The following KCNQ5 variants were observed in gnomAD, a reference collection of about 807,000 sequenced individuals.
KCNQ5 encodes potassium voltage-gated channel subfamily KQT member 5.
A neutral mutation model predicts 98.2 loss-of-function variants in KCNQ5; 30 were observed. The ratio of observed to expected loss-of-function variants is 0.31; its 90% CI spans 0.23 to 0.41. The LOEUF (loss-of-function observed/expected upper bound fraction) is 0.41, where lower values mean the gene tolerates loss of function less well. Ranked by LOEUF, KCNQ5 falls within the 10% of genes least tolerant of loss-of-function variation. The pLI is 1.00. For synonymous variants in KCNQ5, 458 were observed against 449.4 expected (o/e 1.02, Z -0.24); for missense variants, 835 against 1,182.5 (o/e 0.71, Z 4.31).
chr6:73,081,697 T>A (rs1773775991), intron 5 of KCNQ5, among the ~76,000 whole-genome samples: 1 of 152,206 alleles, frequency 6.6e-6, no homozygotes, highest in Non-Finnish European at 1.5e-5. Flanking sequence ...AAATATTTGT[T>A]GATTTGTTGC....
intron 2 of KCNQ5, among the ~76,000 whole-genome samples, chr6:73,015,626 T>C (rs746518193): frequency 7.8e-4 from 119 of 152,086 alleles, no homozygotes; most frequent in Non-Finnish European, 1.6e-4. Flanking sequence ...CCAGCAGACA[T>C]CCTTAGAGCT....
At chr6:73,156,153 C>T (rs2150487051) in intron 10 of KCNQ5, among the ~76,000 whole-genome samples, 1 of 152,192 alleles carries the variant, frequency 6.6e-6, no homozygotes, top group East Asian at 1.9e-4. Flanking sequence ...CAGAGGGTGG[C>T]AGGGGGTGAG....
intron 5 of KCNQ5, among the ~76,000 whole-genome samples, chr6:73,087,566 A>T (rs1394665317): frequency 6.6e-6 from 1 of 152,212 alleles, no homozygotes; most frequent in Non-Finnish European, 1.5e-5. Flanking sequence ...TGGCATTTAA[A>T]TCTATGAGAA....
chr6:72,859,568 C>G (rs1032111492), intron 1 of KCNQ5, among the ~76,000 whole-genome samples: 3 of 151,762 alleles, frequency 2.0e-5, no homozygotes, highest in African/African-American at 7.3e-5. Flanking sequence ...GCTTCCCTCA[C>G]TTATTCCAGA....
intron 10 of KCNQ5, among the ~76,000 whole-genome samples, chr6:73,145,488 C>T (rs949948155): frequency 1.3e-5 from 2 of 152,162 alleles, no homozygotes; most frequent in African/African-American, 2.4e-5. Context: ...TCTTCTTTTT[C>T]AGTAAATATG....
intron 1 of KCNQ5, among the ~76,000 whole-genome samples, chr6:72,936,064 T>C (rs982827264): frequency 6.6e-6 from 1 of 152,176 alleles, no homozygotes; most frequent in African/African-American, 2.4e-5. Context: ...CCTTTTTTAT[T>C]TGCTTCTCTG....
rs1379863969 is a variant in KCNQ5 at position 73,111,296 on chromosome 6, A to G, written c.1030-12A>G. 1.3e-6 allele frequency: 2 copies of G among 1,596,454 alleles called. No homozygotes were observed. Among genetic ancestry groups the G allele is most frequent in the Non-Finnish European group, 1.7e-6 (2 of 1,170,130 alleles). ...TGAAATTTTTGAGTGCCATTTTTGT[A>G]TTTTGTTCCAGGGCATTCTTGGCTC... is the stretch of plus-strand genomic sequence containing the variant. On this transcript the variant is annotated splice_polypyrimidine_tract_variant and intron_variant, in intron 6 of 13. Coordinates refer to ENST00000370398, the MANE Select transcript of KCNQ5 (RefSeq NM_019842.4).
At chr6:72,819,499 A>T (rs2150112119) in intron 1 of KCNQ5, among the ~76,000 whole-genome samples, 1 of 152,344 alleles carries the variant, frequency 6.6e-6, no homozygotes, top group African/African-American at 2.4e-5. Context: ...AATCACTATT[A>T]AAATCAGTAC....
intron 5 of KCNQ5, among the ~76,000 whole-genome samples, chr6:73,101,008 A>G (rs565607829): frequency 3.9e-5 from 6 of 152,304 alleles, no homozygotes; most frequent in African/African-American, 1.4e-4. Context: ...TTATCCCAGC[A>G]AAGAAAAACC....
intron 1 of KCNQ5, among the ~76,000 whole-genome samples, chr6:72,856,579 A>T (rs1051319338): frequency 6.6e-6 from 1 of 151,974 alleles, no homozygotes; most frequent in Admixed American, 6.6e-5. Context: ...TTCCTTTATG[A>T]CTCCTCTGCC....
At chr6:73,102,630 A>C (rs1444960362) in intron 5 of KCNQ5, among the ~76,000 whole-genome samples, 1 of 152,250 alleles carries the variant, frequency 6.6e-6, no homozygotes, top group Admixed American at 6.5e-5. Context: ...ACAAACAGGC[A>C]TATGAAAAGG....
intron 2 of KCNQ5, among the ~76,000 whole-genome samples, chr6:73,006,330 T>C (rs1262045709): frequency 3.5e-5 from 5 of 141,488 alleles, no homozygotes; most frequent in Admixed American, 2.0e-4. Context: ...AGGATTATCA[T>C]TGAAATAGTA....
intron 1 of KCNQ5, among the ~76,000 whole-genome samples, chr6:72,804,117 C>CAT (rs1466479180): frequency 6.6e-6 from 1 of 151,956 alleles, no homozygotes. Context: ...ATTTATAGGG[C>CAT]ATACAAGGCA....
intron 1 of KCNQ5, among the ~76,000 whole-genome samples, chr6:72,794,729 G>T (rs935035881): frequency 3.9e-5 from 6 of 152,014 alleles, no homozygotes; most frequent in Non-Finnish European, 8.8e-5. Flanking sequence ...TTATTGACCC[G>T]AATATTGCTG....
intron 1 of KCNQ5, among the ~76,000 whole-genome samples, chr6:72,810,824 A>G (rs1464022165): frequency 6.6e-6 from 1 of 152,240 alleles, no homozygotes; most frequent in Admixed American, 6.5e-5. Context: ...TCATTCTGAC[A>G]TAAAGAATTA....
Position 73,194,829 on chromosome 6 carries a change from G to A in KCNQ5, c.2214G>A (p.Thr738=), listed in dbSNP as rs144579088. 46 of 1,613,872 alleles carry A rather than the reference G, an allele frequency of 2.9e-5. No homozygotes were observed. The African/African-American group carries it at 3.5e-4, about 12-fold the overall frequency. The change falls in exon 14 of 14, where the codon ACG becomes ACA. Residue 738 remains threonine, a synonymous_variant. Coordinates refer to ENST00000370398, the MANE Select transcript of KCNQ5 (RefSeq NM_019842.4). Reference sequence around the variant, plus strand: ...ACACCATTGCAAACCAAATAAATACGGCACCCAAGCCAGCAGCCCCAACAA... The same window carrying A: ...ACACCATTGCAAACCAAATAAATACAGCACCCAAGCCAGCAGCCCCAACAA... The part of the protein sequence containing the change: ...ATNTIANQIN[T]APKPAAPTTL...
At chr6:73,055,714 C>A in intron 3 of KCNQ5, 2 of 1,113,800 alleles carry the variant, frequency 1.8e-6, no homozygotes, top group African/African-American at 1.5e-5. Context: ...TGGAGCTGAA[C>A]CTGCCAACTG....
At chr6:72,898,410 G>T (rs1177039297) in intron 1 of KCNQ5, among the ~76,000 whole-genome samples, 1 of 152,150 alleles carries the variant, frequency 6.6e-6, no homozygotes, top group Non-Finnish European at 1.5e-5. Flanking sequence ...CCACTTAGGA[G>T]TGAGAACATG....
At chr6:73,106,099 A>G (rs1171461190) in intron 6 of KCNQ5, among the ~76,000 whole-genome samples, 1 of 152,266 alleles carries the variant, frequency 6.6e-6, no homozygotes, top group East Asian at 1.9e-4. Context: ...TGGGAGCAGA[A>G]GTGCTTAAGG....
Sources: allele counts gnomAD v4.1 joint callset (sites outside exome capture counted in the v4.1 genomes callset), GRCh38; gene constraint gnomAD v4.1.1; transcripts MANE v1.5; gene names NCBI Gene and HGNC (gene_info 2026-07-23, HGNC 2026-07-21).